The following FAM120B variants were observed in gnomAD, a reference collection of about 807,000 sequenced individuals.
The protein encoded by FAM120B is constitutive coactivator of peroxisome proliferator-activated receptor gamma.
Under a neutral mutation model 96.3 loss-of-function variants are expected in FAM120B, and 83 were observed. That is an observed-to-expected ratio of 0.86 (90% CI 0.72 to 1.03). The LOEUF (loss-of-function observed/expected upper bound fraction) is 1.03, where lower values mean the gene tolerates loss of function less well. Among genes scored for constraint, FAM120B ranks in the 50% least tolerant of loss-of-function variants. The pLI is 0.00. For missense variants in FAM120B, 1,027 were observed against 1,121.2 expected (o/e 0.92, Z 1.20); for synonymous variants, 407 against 402.7 (o/e 1.01, Z -0.13).
At chr6:170,378,745 C>T (rs1789729478) in intron 6 of FAM120B, among the ~76,000 whole-genome samples, 3 of 152,234 alleles carry the variant, frequency 2.0e-5, no homozygotes, top group Admixed American at 2.0e-4. Context: ...CAGGGCTGAG[C>T]CCTGAGCTCC....
intron 4 of FAM120B, among the ~76,000 whole-genome samples, chr6:170,342,106 A>G (rs142495095): frequency 0.017 from 2,538 of 152,258 alleles, 87 homozygotes; most frequent in African/African-American, 0.058. Flanking sequence ...CCAGCATGGG[A>G]GAAGGATGTA....
chr6:170,346,947 G>T (rs926276607), intron 4 of FAM120B, among the ~76,000 whole-genome samples: 5 of 151,966 alleles, frequency 3.3e-5, no homozygotes, highest in African/African-American at 1.2e-4. Context: ...ATTATCCTTA[G>T]CATTTTCTTA....
At chr6:170,332,889 A>G (rs1436226645) in intron 4 of FAM120B, among the ~76,000 whole-genome samples, 1 of 152,136 alleles carries the variant, frequency 6.6e-6, no homozygotes, top group Non-Finnish European at 1.5e-5. Flanking sequence ...GAATTTTTCA[A>G]TATAGTGGCC....
chr6:170,366,041 G>T (rs1485134574), intron 6 of FAM120B, among the ~76,000 whole-genome samples: 1 of 152,176 alleles, frequency 6.6e-6, no homozygotes, highest in Non-Finnish European at 1.5e-5. Context: ...AATGCTTGGA[G>T]CCTAAGTCTT....
intron 6 of FAM120B, among the ~76,000 whole-genome samples, chr6:170,365,884 C>G (rs73249901): frequency 2.0e-5 from 3 of 152,112 alleles, no homozygotes; most frequent in Admixed American, 6.5e-5. Context: ...AGTGTTTATC[C>G]GCCTGCCATC....
intron 1 of FAM120B, among the ~76,000 whole-genome samples, chr6:170,315,911 A>T (rs1439002653): frequency 2.7e-5 from 4 of 150,202 alleles, no homozygotes; most frequent in Non-Finnish European, 4.4e-5. Flanking sequence ...ACATAGTGAG[A>T]TCTTGTCTCC....
At chr6:170,401,075 A>G (rs547172522) in intron 9 of FAM120B, among the ~76,000 whole-genome samples, 172 of 152,358 alleles carry the variant, frequency 1.1e-3, no homozygotes, top group Non-Finnish European at 7.9e-4. Flanking sequence ...CATGCAAATT[A>G]AAACAGCATA....
At chr6:170,295,206 C>A, upstream of FAM120B, 1 of 526,384 alleles carries the variant, frequency 1.9e-6, no homozygotes, top group Non-Finnish European at 3.4e-6. The surrounding 1 kb of genome is among the most constrained non-coding windows in gnomAD (Gnocchi z 7.8). Context: ...CTGCTTACTT[C>A]TTAAAGCTGT....
intron 9 of FAM120B, among the ~76,000 whole-genome samples, chr6:170,399,040 C>G (rs1778380305): frequency 6.7e-6 from 1 of 148,552 alleles, no homozygotes; most frequent in African/African-American, 2.5e-5. Context: ...TATGTCATAA[C>G]TCTTAGGAGT....
intron 4 of FAM120B, among the ~76,000 whole-genome samples, chr6:170,337,192 T>C (rs533080116): frequency 6.6e-6 from 1 of 152,318 alleles, no homozygotes; most frequent in South Asian, 2.1e-4. Flanking sequence ...GCTCTTGTTA[T>C]TTTGAGATAT....
chr6:170,399,513 G>T (rs1378880962), intron 9 of FAM120B, among the ~76,000 whole-genome samples: 1 of 149,928 alleles, frequency 6.7e-6, no homozygotes, highest in South Asian at 2.1e-4. Flanking sequence ...TAACTCTTAG[G>T]AGTGAGTGGG....
intron 9 of FAM120B, among the ~76,000 whole-genome samples, chr6:170,401,765 G>T (rs958154006): frequency 1.3e-5 from 2 of 152,198 alleles, no homozygotes; most frequent in African/African-American, 4.8e-5. Context: ...TGGAATTTCG[G>T]ATATTCAGAT....
rs1788593367 is a variant in FAM120B at position 170,363,533 on chromosome 6, G to C, written c.2283+5215G>C. On this transcript the variant is annotated intron_variant, in intron 6 of 10. Transcript: ENST00000476287. This position sits in a 1 kb window ranked among gnomAD's most constrained non-coding sequence, Gnocchi z 4.5. ...TGTGTGCTGTGTTTGTTAACATAGAGTGTGATGACTGATCATTGTCTATGC... is the reference window on the plus strand; with the variant it reads ...TGTGTGCTGTGTTTGTTAACATAGACTGTGATGACTGATCATTGTCTATGC... 6.6e-6 allele frequency among the ~76,000 whole-genome samples: 1 copy of C among 152,272 alleles called. No individual in the cohort carries two copies. The highest frequency in any genetic ancestry group is 1.5e-5 in the Non-Finnish European group (1 of 68,050).
chr6:170,375,097 A>G (rs1053267135), intron 6 of FAM120B, among the ~76,000 whole-genome samples: 6 of 152,232 alleles, frequency 3.9e-5, no homozygotes, highest in Non-Finnish European at 5.9e-5. Context: ...CTTCCAGTTC[A>G]GGGCTCCCTC....
intron 3 of FAM120B, among the ~76,000 whole-genome samples, chr6:170,323,860 C>A (rs9356642): frequency 0.11 from 17,414 of 152,148 alleles, 1,311 homozygotes; most frequent in East Asian, 0.31. Context: ...CCATAACTCA[C>A]CATTTGGAAT....
chr6:170,388,556 A>G, intron 7 of FAM120B, 63 bp downstream of exon 7: 1 of 1,401,216 alleles, frequency 7.1e-7, no homozygotes, highest in South Asian at 1.2e-5. Flanking sequence ...TGCACAAAAA[A>G]CATGAAGTCG....
At chr6:170,351,300 A>C (rs1418781218) in intron 5 of FAM120B, among the ~76,000 whole-genome samples, 7 of 152,242 alleles carry the variant, frequency 4.6e-5, no homozygotes, top group African/African-American at 1.4e-4. Context: ...GATTATGTGA[A>C]GAGACCAAAC....
intron 3 of FAM120B, among the ~76,000 whole-genome samples, chr6:170,324,478 C>T (rs940358846): frequency 1.3e-5 from 2 of 152,220 alleles, no homozygotes; most frequent in Non-Finnish European, 2.9e-5. Context: ...TCTCTACCCG[C>T]ATTCTTTCTT....
chr6:170,323,126 C>A lies in FAM120B; in HGVS notation c.1782C>A (p.Asn594Lys), dbSNP rs1193261157. ...HVQAESYLVY[N>K]IMSSGEIECS... ...AAGCAGAAAGCTACCTGGTGTACAA[C>A]ATCATGAGCAGTGGAGAGATTGAAT... is the stretch of plus-strand genomic sequence containing the variant. The change falls in exon 3 of 11, where the codon AAC becomes AAA. Residue 594 changes from asparagine to lysine, a missense_variant. Coordinates refer to ENST00000476287, the MANE Select transcript of FAM120B (RefSeq NM_032448.3). 2.5e-6 allele frequency: 4 copies of A among 1,613,920 alleles called. No individual in the cohort carries two copies. Among genetic ancestry groups the A allele is most frequent in the Non-Finnish European group, 3.4e-6 (4 of 1,179,968 alleles).
Sources: allele counts gnomAD v4.1 joint callset (sites outside exome capture counted in the v4.1 genomes callset), GRCh38; gene constraint gnomAD v4.1.1; non-coding constraint Gnocchi (gnomAD v3.1); transcripts MANE v1.5; gene names NCBI Gene and HGNC (gene_info 2026-07-23, HGNC 2026-07-21).